The following CUZD1 variants were observed in gnomAD, a reference collection of about 807,000 sequenced individuals.
CUZD1 encodes the protein CUB and zona pellucida-like domain-containing protein 1.
A neutral mutation model predicts 53.1 loss-of-function variants in CUZD1; 42 were observed. The observed-to-expected ratio is 0.79, with a 90% confidence interval of 0.62 to 1.02. CUZD1 has a LOEUF of 1.02. CUZD1 is among the 50% of genes least tolerant of loss of function. The pLI is 0.00. For missense variants in CUZD1, 670 were observed against 715.7 expected, an observed-to-expected ratio of 0.94 and a Z score of 0.73; for synonymous variants, 238 against 257.2, an observed-to-expected ratio of 0.93 and a Z score of 0.71.
intron 1 of CUZD1, among the ~76,000 whole-genome samples, chr10:122,845,353 G>C (rs1847419739): frequency 6.6e-6 from 1 of 152,136 alleles, no homozygotes; most frequent in African/African-American, 2.4e-5. Flanking sequence ...GGGATTACAG[G>C]CGTGAGCCAC....
In CUZD1 at chr10:122,833,847, G is replaced by A; in HGVS notation, c.1476C>T (p.Ser492=). Residue 492 remains serine (S), a synonymous_variant, in exon 8 of 9, where the codon AGC becomes AGT. Coordinates refer to ENST00000392790, the MANE Select transcript of CUZD1 (RefSeq NM_022034.6). The stretch of plus-strand genomic sequence containing the variant: ...AAACTTTACACTGCAGATACACAGA[G>A]CTCATACTTCTCAAGAATTTAAAGG... The part of the protein sequence containing the change: ...FNAFKFLRSM[S]SVYLQCKVLI... 6.2e-7 allele frequency: 1 copy of A among 1,613,992 alleles called. No individual in the cohort carries two copies. Among genetic ancestry groups the A allele is most frequent in the Non-Finnish European group, 8.5e-7 (1 of 1,179,936 alleles).
At chr10:122,836,730 T>C (rs1477650488) in intron 5 of CUZD1, 101 bp downstream of exon 5, 1 of 871,696 alleles carries the variant, frequency 1.1e-6, no homozygotes, top group Non-Finnish European at 1.8e-6. Context: ...TGTGACATGC[T>C]TGCAAATAGG....
At chr10:122,843,386 A>G (rs1847374434) in intron 1 of CUZD1, among the ~76,000 whole-genome samples, 2 of 152,188 alleles carry the variant, frequency 1.3e-5, no homozygotes, top group African/African-American at 2.4e-5. Flanking sequence ...TGTGACCTAC[A>G]CACATCCTGT....
In CUZD1 at chr10:122,837,499, G is replaced by A. The variant is rs762623468; in HGVS notation, c.504C>T (p.Pro168=). The change falls in exon 4 of 9, where the codon CCC becomes CCT. Residue 168 remains proline (P), a synonymous_variant. Transcript: ENST00000392790. The part of the protein sequence containing the change: ...LDTLEGSFTS[P]NYPKPHPELA... The stretch of plus-strand genomic sequence containing the variant: ...GCTCAGGATGCGGCTTTGGGTAATT[G>A]GGGCTGGTGAAGGATCCTTCCAAGG... The A allele has an allele frequency of 1.2e-5, 19 of 1,610,010 alleles. No individual in the cohort carries two copies. The highest frequency in any genetic ancestry group is 3.3e-5 in the South Asian group (3 of 90,072).
chr10:122,839,035 A>T lies in CUZD1; in HGVS notation c.430T>A (p.Phe144Ile), dbSNP rs376135910. ...GACTTACAGATGTTAGGAGAGAAGA[A>T]GTAGTAGAAGACAAAGACAGTTCTT... ...IQRTVFVFYY[F>I]FSPNISIPNC... Residue 144 changes from phenylalanine to isoleucine, a missense_variant, in exon 3 of 9, where the codon TTC becomes ATC. Physicochemically the swap from Phe to Ile is conservative, Grantham distance 21 (BLOSUM62 0). Coordinates refer to ENST00000392790, the MANE Select transcript of CUZD1 (RefSeq NM_022034.6). 9.9e-6 allele frequency: 16 copies of T among 1,613,676 alleles called. No individual in the cohort carries two copies. Among genetic ancestry groups the T allele is most frequent in the Middle Eastern group, 1.6e-4 (1 of 6,074 alleles).
chr10:122,837,598 A>G, intron 3 of CUZD1, 44 bp from the exon 4 acceptor site: 8 of 1,511,766 alleles, frequency 5.3e-6, no homozygotes, highest in Non-Finnish European at 7.1e-6. Flanking sequence ...ATCAAAATAG[A>G]GACTGCTTTT....
At chr10:122,841,652 T>A (rs934236027) in intron 1 of CUZD1, among the ~76,000 whole-genome samples, 1 of 152,354 alleles carries the variant, frequency 6.6e-6, no homozygotes, top group Admixed American at 6.5e-5. Flanking sequence ...CCAGGTCATA[T>A]GTTAAGTGTA....
At chr10:122,837,942 C>T (rs1248593608) in intron 3 of CUZD1, 1 of 160,060 alleles carries the variant, frequency 6.2e-6, no homozygotes, top group Non-Finnish European at 1.4e-5. Flanking sequence ...GTTCTATCCT[C>T]CCTTTCTTCC....
intron 1 of CUZD1, among the ~76,000 whole-genome samples, chr10:122,841,766 T>G (rs182172510): frequency 1.3e-5 from 2 of 152,324 alleles, no homozygotes; most frequent in African/African-American, 4.8e-5. Context: ...CACATTCTTG[T>G]CAACACACAC....
At chr10:122,834,050 G>T in intron 7 of CUZD1, 110 bp from the exon 8 acceptor site, 1 of 915,196 alleles carries the variant, frequency 1.1e-6, no homozygotes. Context: ...TCTCTCAAAA[G>T]ACTGTCTCTA....
intron 5 of CUZD1, 64 bp from the exon 6 acceptor site, chr10:122,836,414 G>T: frequency 7.4e-7 from 1 of 1,353,572 alleles, no homozygotes; most frequent in Non-Finnish European, 9.9e-7. Flanking sequence ...GTTGGATCTT[G>T]AAGAGCTACG....
chr10:122,836,992 G>A lies in CUZD1; in HGVS notation c.656C>T (p.Ser219Phe), dbSNP rs751208431. 10 of 1,614,020 alleles carry A rather than the reference G, an allele frequency of 6.2e-6. No homozygotes were observed. Among genetic ancestry groups the A allele is most frequent in the African/African-American group, 4.0e-5 (3 of 74,918 alleles). The change falls in exon 5 of 9, where the codon TCC (serine) becomes TTC (phenylalanine). Residue 219 changes from serine to phenylalanine, a missense_variant. Coordinates refer to ENST00000392790, the MANE Select transcript of CUZD1 (RefSeq NM_022034.6). ...FDFLAIYDGP[S>F]TNSGLIGQVC... is the part of the protein sequence containing the mutation. ...TTGTCCAATCAGGCCAGAGTTGGTG[G>A]AGGGGCCATCATAGATGGCAAGAAA...
At chr10:122,834,256 G>T (rs556034045) in intron 7 of CUZD1, among the ~76,000 whole-genome samples, 1 of 152,200 alleles carries the variant, frequency 6.6e-6, no homozygotes, top group African/African-American at 2.4e-5. Flanking sequence ...CCAACAAATT[G>T]TAAGGAAAAA....
intron 3 of CUZD1, chr10:122,837,898 T>C: frequency 5.6e-6 from 1 of 179,158 alleles, no homozygotes; most frequent in Non-Finnish European, 1.2e-5. Context: ...AGCTCAGCTT[T>C]CCAGTCTCAT....
rs1331006732 is a variant in CUZD1 at position 122,833,958 on chromosome 10, A to G, written c.1383-18T>C. 6.2e-7 allele frequency: 1 copy of G among 1,605,172 alleles called. No homozygotes were observed. The highest frequency in any genetic ancestry group is 1.3e-5 in the African/African-American group (1 of 74,562). On this transcript the variant is annotated intron_variant, in intron 7 of 8. Transcript: ENST00000392790. ...GACTACATCTGGAACAGAATTTATG[A>G]ACATGTTTAGAAGATACAGACAAAT... is the stretch of plus-strand genomic sequence containing the variant.
rs775517916 is a variant in CUZD1 at position 122,833,913 on chromosome 10, C to T, written c.1410G>A (p.Val470=). The change falls in exon 8 of 9, where the codon GTG becomes GTA. Residue 470 remains valine (V), a synonymous_variant. Coordinates refer to ENST00000392790, the MANE Select transcript of CUZD1 (RefSeq NM_022034.6). ...TCCCATAGTGTCCAAATAAGGGATA[C>T]ACCTTACAAGTTTCATCTCGACTAC... The part of the protein sequence containing the change: ...SGCSRDETCK[V]YPLFGHYGRF... 69 of 1,613,376 alleles carry T rather than the reference C, an allele frequency of 4.3e-5. No individual in the cohort carries two copies. Among genetic ancestry groups the T allele is most frequent in the Non-Finnish European group, 5.8e-5 (68 of 1,179,500 alleles).
intron 3 of CUZD1, chr10:122,837,910 C>T (rs757397708): frequency 2.2e-4 from 38 of 174,410 alleles, no homozygotes; most frequent in East Asian, 6.4e-4. Flanking sequence ...CAGTCTCATC[C>T]GCCACTACTT....
Position 122,839,092 on chromosome 10 carries a change from A to G in CUZD1, c.373T>C (p.Phe125Leu), listed in dbSNP as rs767849604. ...VFESSSSTLT[F>L]QIVTDSARIQ... The stretch of plus-strand genomic sequence containing the variant: ...CTTGCTGAGTCAGTAACTATTTGAA[A>G]CGTCAATGTACTGGATGATGATTCA... The change falls in exon 3 of 9, where the codon TTT becomes CTT. Residue 125 changes from phenylalanine to leucine, a missense_variant. Phe to Leu is a conservative substitution (Grantham distance 22). Coordinates refer to ENST00000392790, the MANE Select transcript of CUZD1 (RefSeq NM_022034.6). 2.5e-6 allele frequency: 4 copies of G among 1,614,108 alleles called. No individual in the cohort carries two copies. The South Asian group carries it at 4.4e-5, about 18-fold the overall frequency.
intron 5 of CUZD1, 131 bp downstream of exon 5, chr10:122,836,700 T>A (rs1847257179): frequency 3.0e-6 from 2 of 677,438 alleles, no homozygotes; most frequent in Non-Finnish European, 5.1e-6. Context: ...CTTAAGATTA[T>A]GAATATGTTC....
Sources: gnomAD v4.1 joint callset for allele counts (sites outside exome capture counted in the v4.1 genomes callset) on GRCh38, gnomAD v4.1.1 for gene constraint, MANE v1.5 for transcripts, NCBI Gene and HGNC (gene_info 2026-07-23, HGNC 2026-07-21) for gene names.